CPAMD8: variants seen among roughly 807,000 people sequenced by gnomAD.
CPAMD8 encodes C3 and PZP like alpha-2-macroglobulin domain containing 8, also known as C3 and PZP-like alpha-2-macroglobulin domain-containing protein 8.
In CPAMD8, 146 loss-of-function variants were observed where a neutral mutation model predicts 224.7. The observed-to-expected ratio is 0.65, with a 90% CI of 0.57 to 0.75. The LOEUF (loss-of-function observed/expected upper bound fraction) is 0.75, where lower values mean the gene tolerates loss of function less well. CPAMD8 is among the 30% of genes least tolerant of loss of function. The pLI is 0.00. For synonymous variants in CPAMD8, 966 were observed against 1,044.6 expected, an observed-to-expected ratio of 0.92 and a Z score of 1.45; for missense variants, 2,301 against 2,537.5, an observed-to-expected ratio of 0.91 and a Z score of 2.00.
chr19:17,004,485 G>A (rs985500153), intron 7 of CPAMD8, 99 bp from the exon 8 acceptor site: 7 of 741,922 alleles, frequency 9.4e-6, no homozygotes, highest in African/African-American at 3.5e-5. Flanking sequence ...CCTTCCCTGA[G>A]CAGCCCCCCA....
At chr19:16,905,231 G>C (rs527649406) in intron 30 of CPAMD8, among the ~76,000 whole-genome samples, 1 of 151,478 alleles carries the variant, frequency 6.6e-6, no homozygotes, top group Non-Finnish European at 1.5e-5. Flanking sequence ...CTGGGTGACA[G>C]AGTGAGACTG....
chr19:17,017,356 C>T (rs1009163651), intron 3 of CPAMD8, among the ~76,000 whole-genome samples: 8 of 152,284 alleles, frequency 5.3e-5, no homozygotes, highest in Middle Eastern at 3.4e-3. Context: ...AAATAAAGCA[C>T]ACAATAAATG....
At position 16,975,983 on chromosome 19, in the gene CPAMD8, GC is replaced by G; in HGVS notation, c.1908+18del. 6.4e-7 allele frequency: 1 copy of G among 1,555,774 alleles called. No individual in the cohort carries two copies. Among genetic ancestry groups the G allele is most frequent in the African/African-American group, 1.4e-5 (1 of 72,784 alleles). ...AGCCCCGTGGAGGTCTAGAACCCAAGCCCGAGGGGTCTGCTCACCTGGGCAG... is the reference window on the plus strand; with the variant it reads ...AGCCCCGTGGAGGTCTAGAACCCAAGCCGAGGGGTCTGCTCACCTGGGCAG... On this transcript the variant is annotated intron_variant, in intron 16 of 41. Coordinates refer to ENST00000443236, the MANE Select transcript of CPAMD8 (RefSeq NM_015692.5).
chr19:16,906,395 TTTCTTTCTTTCTTTCCTTCCTTCC>T (rs2052509744), intron 30 of CPAMD8, among the ~76,000 whole-genome samples: 2 of 80,208 alleles, frequency 2.5e-5, no homozygotes, highest in African/African-American at 8.3e-5. Flanking sequence ...TCTTTCTTTC[TTTCTTTCTTTCTTTCCTTCCTTCC>T]TTCCTTCCTT....
At chr19:16,907,257 T>C in intron 29 of CPAMD8, 140 bp from the exon 30 acceptor site, 1 of 1,025,424 alleles carries the variant, frequency 9.8e-7, no homozygotes. Flanking sequence ...TGGCTCTCAC[T>C]GCCTGCAGAC....
In CPAMD8 at chr19:16,914,766, A is replaced by G. The variant is rs756207952; in HGVS notation, c.3677T>C (p.Ile1226Thr). 6.8e-6 allele frequency: 11 copies of G among 1,613,932 alleles called. No homozygotes were observed. Among genetic ancestry groups the G allele is most frequent in the African/African-American group, 2.7e-5 (2 of 74,938 alleles). The change falls in exon 28 of 42, where the codon ATC becomes ACC. Residue 1226 changes from isoleucine to threonine, a missense_variant. Ile to Thr is a moderately conservative substitution (Grantham distance 89). Transcript: ENST00000443236. ...LKSFAQARSF[I>T]FVDPRELAAA... is the part of the protein sequence containing the mutation. The stretch of plus-strand genomic sequence containing the variant: ...AGCCAGCTCCCGGGGGTCCACGAAG[A>G]TAAAGCTGCGAGCCTGTGCGAAGGA...
Position 16,986,478 on chromosome 19 carries a change from C to T in CPAMD8, c.1395+3165G>A, listed in dbSNP as rs79511453. Among the ~76,000 whole-genome samples the T allele has an allele frequency of 1.4e-4, 21 of 152,280 alleles. No individual in the cohort carries two copies. The East Asian group carries it at 3.9e-3, about 28-fold the overall frequency. ...AGGAGGCCAGCACCAGCGTCCCCAC[C>T]CTGCACCACTGGTTTAATGGAATTA... On this transcript the variant is annotated intron_variant, in intron 13 of 41. Coordinates refer to ENST00000443236, the MANE Select transcript of CPAMD8 (RefSeq NM_015692.5).
At position 16,893,117 on chromosome 19, in the gene CPAMD8, G is replaced by C; in HGVS notation, c.5649C>G (p.Thr1883=). 3 of 1,398,380 alleles carry C rather than the reference G, an allele frequency of 2.1e-6. No homozygotes were observed. The highest frequency in any genetic ancestry group is 3.0e-6 in the Non-Finnish European group (3 of 985,038). The allele number at this position is 1,398,380 out of a possible 1,614,324, so 86.6% of individuals were successfully genotyped here. ...EEGLWMSNTC[T]LR ...GCATGTGGTTGTAGGATTATCTCAA[G>C]GTGCAGGTGTTTGACATCCATAAAC... The change falls in exon 42 of 42, where the codon ACC becomes ACG. Residue 1883 remains threonine, a synonymous_variant. Coordinates refer to ENST00000443236, the MANE Select transcript of CPAMD8 (RefSeq NM_015692.5).
intron 18 of CPAMD8, among the ~76,000 whole-genome samples, chr19:16,964,743 G>GA (rs2054770853): frequency 6.6e-6 from 1 of 152,090 alleles, no homozygotes; most frequent in Admixed American, 6.6e-5. Flanking sequence ...AAAAAAAAGA[G>GA]AATTTTAGAC....
At chr19:16,982,512 A>C (rs911640512) in intron 13 of CPAMD8, among the ~76,000 whole-genome samples, 1 of 152,184 alleles carries the variant, frequency 6.6e-6, no homozygotes, top group Non-Finnish European at 1.5e-5. Flanking sequence ...GGACTCCCAC[A>C]GCCAAATTTG....
intron 22 of CPAMD8, 47 bp from the exon 23 acceptor site, chr19:16,938,493 GA>G: frequency 1.8e-6 from 2 of 1,127,012 alleles, no homozygotes; most frequent in Non-Finnish European, 2.6e-6. Flanking sequence ...CGGTGAGGGG[GA>G]TGGTCAGCTC....
chr19:16,900,062 C>G (rs1252006475), intron 36 of CPAMD8, among the ~76,000 whole-genome samples: 1 of 152,108 alleles, frequency 6.6e-6, no homozygotes, highest in East Asian at 1.9e-4. Flanking sequence ...TGCAGACCTC[C>G]TTTGGTCCCT....
At chr19:16,928,617 T>A (rs2144958322) in intron 24 of CPAMD8, among the ~76,000 whole-genome samples, 1 of 152,280 alleles carries the variant, frequency 6.6e-6, no homozygotes, top group South Asian at 2.1e-4. Flanking sequence ...GTTGGGAAGC[T>A]GTGTTAGCTT....
intron 11 of CPAMD8, 134 bp downstream of exon 11, chr19:16,996,977 C>A: frequency 1.5e-6 from 1 of 656,624 alleles, no homozygotes; most frequent in Non-Finnish European, 2.8e-6. Context: ...GGAACACCAG[C>A]CCTCTCCACT....
chr19:17,009,978 G>A (rs1011790125), intron 5 of CPAMD8, among the ~76,000 whole-genome samples: 5 of 152,096 alleles, frequency 3.3e-5, no homozygotes, highest in Non-Finnish European at 7.3e-5. Flanking sequence ...ATCCTACCAA[G>A]GGGCGTTCTG....
chr19:16,998,074 G>C (rs892417658), intron 10 of CPAMD8, among the ~76,000 whole-genome samples: 1 of 152,232 alleles, frequency 6.6e-6, no homozygotes, highest in East Asian at 1.9e-4. Flanking sequence ...TAGCCTCCCA[G>C]GAGAATGGCT....
chr19:16,957,206 T>C (rs1416709969), intron 19 of CPAMD8, among the ~76,000 whole-genome samples: 1 of 152,150 alleles, frequency 6.6e-6, no homozygotes, highest in Non-Finnish European at 1.5e-5. Flanking sequence ...TGCCAAGCAC[T>C]TGCCACAGCA....
At chr19:16,985,365 AGGGTAGATAAATAGGTAAGTGTAG>A (rs2055680676) in intron 13 of CPAMD8, among the ~76,000 whole-genome samples, 4 of 149,156 alleles carry the variant, frequency 2.7e-5, no homozygotes, top group South Asian at 2.2e-4. Flanking sequence ...GGATGGATGG[AGGGTAGATAAATAGGTAAGTGTAG>A]TGGGTGGATG....
In CPAMD8 at chr19:16,896,259, A is replaced by T. The variant is rs1279924346; in HGVS notation, c.5343T>A (p.Pro1781=). ...GDDLASVAPG[P]LQQDVKLNGA... is the part of the protein sequence containing the mutation. ...CATTCAGCTTCACGTCCTGCTGTAA[A>T]GGCCCCGGGGCCACAGAAGCCAGGT... Residue 1781 remains proline, a synonymous_variant, in exon 41 of 42, where the codon CCT becomes CCA. Coordinates refer to ENST00000443236, the MANE Select transcript of CPAMD8 (RefSeq NM_015692.5). 19 of 1,613,254 alleles carry T rather than the reference A, an allele frequency of 1.2e-5. No homozygotes were observed. The highest frequency in any genetic ancestry group is 1.5e-5 in the Non-Finnish European group (18 of 1,179,950).
Sources: gnomAD v4.1 joint callset for allele counts (sites outside exome capture counted in the v4.1 genomes callset) on GRCh38, gnomAD v4.1.1 for gene constraint, MANE v1.5 for transcripts, NCBI Gene and HGNC (gene_info 2026-07-23, HGNC 2026-07-21) for gene names.